Variants in TOX3 observed in about 807,000 individuals in gnomAD.
TOX3 encodes CAG trinucleotide repeat-containing gene F9 protein.
Under a neutral mutation model 64.3 loss-of-function variants are expected in TOX3, and 22 were observed. The ratio of observed to expected loss-of-function variants is 0.34; its 90% CI spans 0.24 to 0.49. TOX3 has a LOEUF of 0.49. Ranked by LOEUF, TOX3 falls within the 20% of genes least tolerant of loss-of-function variation. TOX3 has a pLI of 0.99. For missense variants in TOX3, 661 were observed against 714.4 expected, an observed-to-expected ratio of 0.93 and a Z score of 0.85; for synonymous variants, 291 against 273.6, an observed-to-expected ratio of 1.06 and a Z score of -0.63.
intron 2 of TOX3, among the ~76,000 whole-genome samples, chr16:52,465,080 T>C (rs998289681): frequency 9.8e-5 from 13 of 132,994 alleles, no homozygotes; most frequent in African/African-American, 3.7e-4. Context: ...AGTGGTGCCA[T>C]CTCGGCTCAC....
intron 1 of TOX3, among the ~76,000 whole-genome samples, chr16:52,509,230 T>C (rs1359415649): frequency 6.6e-6 from 1 of 152,218 alleles, no homozygotes; most frequent in Non-Finnish European, 1.5e-5. Context: ...CTAAAAGATT[T>C]TTTTCCAACC....
At chr16:52,487,041 A>G (rs1317812786) in intron 1 of TOX3, among the ~76,000 whole-genome samples, 1 of 152,210 alleles carries the variant, frequency 6.6e-6, no homozygotes, top group Admixed American at 6.5e-5. Context: ...CCCCTAGCAT[A>G]TAAATTATCC....
intron 1 of TOX3, among the ~76,000 whole-genome samples, chr16:52,511,886 A>C (rs1962321621): frequency 6.6e-6 from 1 of 152,218 alleles, no homozygotes; most frequent in Non-Finnish European, 1.5e-5. Context: ...AATTTCAAAG[A>C]ATACTTAAAG....
chr16:52,449,534 T>C (rs1199153742), intron 4 of TOX3, among the ~76,000 whole-genome samples: 1 of 152,170 alleles, frequency 6.6e-6, no homozygotes, highest in Admixed American at 6.5e-5. Context: ...ACTAATCACA[T>C]ATGGAGCTAG....
At chr16:52,487,061 TAA>T (rs1961552117) in intron 1 of TOX3, among the ~76,000 whole-genome samples, 2 of 152,092 alleles carry the variant, frequency 1.3e-5, no homozygotes, top group South Asian at 2.1e-4. Context: ...CCTGTGTAGA[TAA>T]AGAGTCCAAA....
rs754068580 is a variant in TOX3, at chr16:52,439,903, A to T, written c.1053T>A (p.Asn351Lys). 1 of 1,611,234 alleles carries T rather than the reference A, an allele frequency of 6.2e-7. No individual in the cohort carries two copies. The highest frequency in any genetic ancestry group is 1.1e-5 in the South Asian group (1 of 90,532). Residue 351 changes from asparagine (N) to lysine (K), a missense_variant, in exon 7 of 7, where the codon AAT (asparagine) becomes AAA (lysine). By Grantham distance (94) the Asn-to-Lys change is moderately conservative (BLOSUM62 0). Coordinates refer to ENST00000219746, the MANE Select transcript of TOX3 (RefSeq NM_001080430.4). ...RSVQQTLAST[N>K]LTSSLLLNTP... The stretch of plus-strand genomic sequence containing the variant: ...TGTTGAGAAGGAGAGAGGATGTTAG[A>T]TTGGTCGACGCCAGGGTCTGCTGAA...
At chr16:52,513,915 C>A (rs550534836) in intron 1 of TOX3, among the ~76,000 whole-genome samples, 1 of 152,100 alleles carries the variant, frequency 6.6e-6, no homozygotes, top group Non-Finnish European at 1.5e-5. Context: ...GTTTCTCAAC[C>A]ATAATGGAAA....
intron 1 of TOX3, among the ~76,000 whole-genome samples, chr16:52,501,006 A>G (rs1961985887): frequency 6.6e-6 from 1 of 152,226 alleles, no homozygotes. Flanking sequence ...TCTACTAAAG[A>G]TTTTCATATA....
chr16:52,537,878 T>TAAAAAAAAAAAAAAAAAAAAAAAAAAAA (rs57403617), intron 1 of TOX3, among the ~76,000 whole-genome samples: 2 of 111,038 alleles, frequency 1.8e-5, no homozygotes, highest in African/African-American at 3.3e-5. Context: ...GCTGATATGA[T>TAAAAAAAAAAAAAAAAAAAAAAAAAAAA]AAAAAAAAAA....
chr16:52,441,656 T>A (rs1959993010), intron 6 of TOX3, among the ~76,000 whole-genome samples: 1 of 152,332 alleles, frequency 6.6e-6, no homozygotes, highest in South Asian at 2.1e-4. Flanking sequence ...CCATCCATTA[T>A]CTTCAATAAT....
At chr16:52,485,492 T>C (rs1182458813) in intron 1 of TOX3, among the ~76,000 whole-genome samples, 1 of 151,818 alleles carries the variant, frequency 6.6e-6, no homozygotes, top group Non-Finnish European at 1.5e-5. Flanking sequence ...AAAAGGACGT[T>C]GGGGGGTGAT....
At chr16:52,446,292 C>T (rs1287665708) in intron 4 of TOX3, 71 bp from the exon 5 acceptor site, 12 of 1,473,886 alleles carry the variant, frequency 8.1e-6, no homozygotes, top group Non-Finnish European at 1.0e-5. Flanking sequence ...TAACTCAGAT[C>T]CATAATTGTT....
chr16:52,530,707 T>G (rs1313188486), intron 1 of TOX3, among the ~76,000 whole-genome samples: 1 of 151,852 alleles, frequency 6.6e-6, no homozygotes, highest in Admixed American at 6.6e-5. Flanking sequence ...TCTCTACAAC[T>G]GAATGGTCTT....
intron 1 of TOX3, among the ~76,000 whole-genome samples, chr16:52,536,359 T>C (rs1189788549): frequency 1.3e-5 from 2 of 151,506 alleles, no homozygotes; most frequent in Non-Finnish European, 2.9e-5. Context: ...GGCTCAGACA[T>C]AGGTGCTGAG....
intron 3 of TOX3, among the ~76,000 whole-genome samples, chr16:52,463,240 G>A (rs1343672042): frequency 6.6e-6 from 1 of 151,594 alleles, no homozygotes; most frequent in South Asian, 2.1e-4. Flanking sequence ...TGCTATGATG[G>A]AAAAAAAAGA....
intron 1 of TOX3, among the ~76,000 whole-genome samples, chr16:52,475,889 A>AGATTTT (rs1961193444): frequency 2.0e-5 from 3 of 152,192 alleles, no homozygotes; most frequent in Non-Finnish European, 4.4e-5. Flanking sequence ...TGGGACCCTA[A>AGATTTT]TACATGTATT....
intron 1 of TOX3, among the ~76,000 whole-genome samples, chr16:52,543,976 C>T (rs1023246087): frequency 6.6e-6 from 1 of 152,128 alleles, no homozygotes; most frequent in Non-Finnish European, 1.5e-5. Context: ...AAGATAAGCG[C>T]TAACTTTCAC....
intron 1 of TOX3, among the ~76,000 whole-genome samples, chr16:52,489,958 C>T (rs1961631613): frequency 6.6e-6 from 1 of 152,170 alleles, no homozygotes; most frequent in African/African-American, 2.4e-5. Context: ...AATTTCCTCC[C>T]TTCAAACCCA....
Position 52,546,880 on chromosome 16 carries a change from G to A in TOX3, c.-157C>T. The stretch of plus-strand genomic sequence containing the variant: ...CCGGGACCCAGAGCCCGAGGAGCTC[G>A]GGAGCCGCGGCCGCCGCACACAAAG... On this transcript the variant is annotated 5_prime_UTR_variant, in exon 1 of 7. Transcript: ENST00000219746. 8.5e-7 allele frequency: 1 copy of A among 1,172,942 alleles called. No individual in the cohort carries two copies. The highest frequency in any genetic ancestry group is 4.3e-5 in the South Asian group (1 of 23,402). The allele number at this position is 1,172,942 out of a possible 1,614,324, so 72.7% of individuals were successfully genotyped here.
Sources: allele counts gnomAD v4.1 joint callset (sites outside exome capture counted in the v4.1 genomes callset), GRCh38; gene constraint gnomAD v4.1.1; transcripts MANE v1.5; gene names NCBI Gene and HGNC (gene_info 2026-07-23, HGNC 2026-07-21).